The following PSG4 variants were observed in gnomAD, a reference collection of about 807,000 sequenced individuals.
PSG4 encodes the protein pregnancy-specific beta-1-glycoprotein 4.
A neutral mutation model predicts 44.3 loss-of-function variants in PSG4; 61 were observed. That is an observed-to-expected ratio of 1.38 (90% confidence interval 1.12 to 1.70). PSG4 has a LOEUF of 1.70. Among genes scored for constraint, PSG4 ranks in the 40% most tolerant of loss-of-function variants. PSG4 has a pLI of 0.00. For synonymous variants in PSG4, 248 were observed against 191.3 expected (o/e 1.30, Z -2.45); for missense variants, 677 against 511.7 (o/e 1.32, Z -3.12).
rs555990520 is a variant in PSG4 at position 43,201,270 on chromosome 19, C to G, written c.430+2616G>C. 8.7e-4 allele frequency among the ~76,000 whole-genome samples: 127 copies of G among 145,754 alleles called. 10 individuals carry two copies. The highest frequency in any genetic ancestry group is 1.5e-3 in the Non-Finnish European group (101 of 67,218). On this transcript the variant is annotated intron_variant, in intron 2 of 5. Coordinates refer to ENST00000405312, the MANE Select transcript of PSG4 (RefSeq NM_002780.5). ...GAATGATAATAGTTCCTCCATAAAA[C>G]TAACACCCTTACTTTGCCCAGGGAC...
At chr19:43,196,218 C>T (rs1967239605) in intron 3 of PSG4, among the ~76,000 whole-genome samples, 1 of 151,586 alleles carries the variant, frequency 6.6e-6, no homozygotes, top group Non-Finnish European at 1.5e-5. Context: ...TTTCATTGGA[C>T]ATTCTACTCT....
Position 43,193,344 on chromosome 19 carries a change from A to C in PSG4, c.*28T>G, listed in dbSNP as rs769444492. ...CTTGCTCTTCGTGATTCCATGGGAG[A>C]AAATGGAATTGGAGGAACTAGTAGA... On this transcript the variant is annotated 3_prime_UTR_variant, in exon 6 of 6. Transcript: ENST00000405312. 4 of 775,222 alleles carry C rather than the reference A, an allele frequency of 5.2e-6. No homozygotes were observed. In the South Asian group the frequency reaches 5.4e-5, roughly 10 times the overall value. The allele number at this position is 775,222 out of a possible 1,614,324, so 48.0% of individuals were successfully genotyped here.
intron 3 of PSG4, chr19:43,196,400 G>C (rs1967247619): frequency 6.6e-6 from 1 of 151,560 alleles, no homozygotes; most frequent in African/African-American, 2.4e-5. Context: ...CTGCTGTAGA[G>C]CTTGATGCCT....
At chr19:43,200,934 T>C (rs1439605755) in intron 2 of PSG4, among the ~76,000 whole-genome samples, 3 of 146,038 alleles carry the variant, frequency 2.1e-5, no homozygotes, top group Admixed American at 2.0e-4. Context: ...TCACAAATTT[T>C]AAGCTTGTTA....
In PSG4 at chr19:43,202,233, G is replaced by C. The variant is rs562583713; in HGVS notation, c.430+1653C>G. Among the ~76,000 whole-genome samples, 76 of 145,368 alleles carry C rather than the reference G, an allele frequency of 5.2e-4. 3 individuals are homozygous for C. Among genetic ancestry groups the C allele is most frequent in the Admixed American group, 1.4e-3 (21 of 14,650 alleles). On this transcript the variant is annotated intron_variant, in intron 2 of 5. Transcript: ENST00000405312. ...GGACACAGAGAAGAAGAGAGAGGCA[G>C]AGACACCATGGCAGTGAGCAGTGAG...
rs1483936481 is a variant in PSG4 at position 43,202,856 on chromosome 19, G to C, written c.430+1030C>G. ...TTGAGCCAATAAATGACTATGGGGT[G>C]CTTGGAACCCAGTAAGCCCTCACTT... On this transcript the variant is annotated intron_variant, in intron 2 of 5. Transcript: ENST00000405312. Among the ~76,000 whole-genome samples the C allele has an allele frequency of 3.5e-4, 50 of 144,540 alleles. 11 individuals are homozygous for C. The highest frequency in any genetic ancestry group is 1.7e-3 in the East Asian group (7 of 4,168). 94.8% of individuals were successfully genotyped at this position (144,540 alleles called of 152,430 possible). A position where few individuals can be genotyped will look rare whatever the true frequency, so the allele number is the denominator to read the frequency against.
In PSG4 at chr19:43,193,250, G is replaced by C; in HGVS notation, c.*122C>G. ...TGAGTGGCTCACATGTCAGGTACAA[G>C]GGTTTTCCCATGAAATTTACATCGA... On this transcript the variant is annotated 3_prime_UTR_variant, in exon 6 of 6. Transcript: ENST00000405312. 1.3e-6 allele frequency: 1 copy of C among 766,366 alleles called. No homozygotes were observed. Among genetic ancestry groups the C allele is most frequent in the Non-Finnish European group, 2.4e-6 (1 of 417,444 alleles). 47.5% of individuals were successfully genotyped at this position (766,366 alleles called of 1,614,324 possible).
chr19:43,201,716 A>G (rs1277383226), intron 2 of PSG4, among the ~76,000 whole-genome samples: 2 of 145,478 alleles, frequency 1.4e-5, no homozygotes, highest in East Asian at 4.7e-4. Flanking sequence ...CCCCTGCTCC[A>G]CTGGGGAGGC....
Position 43,193,219 on chromosome 19 carries a change from G to A in PSG4, c.*153C>T. The A allele has an allele frequency of 1.3e-6, 1 of 763,124 alleles. No homozygotes were observed. Among genetic ancestry groups the A allele is most frequent in the Non-Finnish European group, 2.4e-6 (1 of 416,764 alleles). The allele number at this position is 763,124 out of a possible 1,614,324, so 47.3% of individuals were successfully genotyped here. Reference sequence around the variant, plus strand: ...TTGTTATGGTGTCGAACATTTTGGTGAGTTCTGAGTGGCTCACATGTCAGG... The same window carrying A: ...TTGTTATGGTGTCGAACATTTTGGTAAGTTCTGAGTGGCTCACATGTCAGG... On this transcript the variant is annotated 3_prime_UTR_variant, in exon 6 of 6. Coordinates refer to ENST00000405312, the MANE Select transcript of PSG4 (RefSeq NM_002780.5).
chr19:43,202,538 T>C (rs1213839304), intron 2 of PSG4, among the ~76,000 whole-genome samples: 1 of 144,450 alleles, frequency 6.9e-6, no homozygotes, highest in Admixed American at 6.9e-5. Flanking sequence ...TCATTTGTTA[T>C]GTGAGAGCTC....
intron 3 of PSG4, among the ~76,000 whole-genome samples, chr19:43,196,098 A>G (rs1258957337): frequency 6.6e-6 from 1 of 151,734 alleles, no homozygotes; most frequent in Admixed American, 6.6e-5. Flanking sequence ...CAAAAGCAGA[A>G]CTGACTGGTG....
chr19:43,194,408 T>C lies in PSG4; in HGVS notation c.1175A>G (p.Tyr392Cys), dbSNP rs199876570. 81 of 1,612,448 alleles carry C rather than the reference T, an allele frequency of 5.0e-5. 2 individuals carry two copies. In the East Asian group the frequency reaches 1.5e-3, roughly 31 times the overall value. ...GGCTGAGTTACGAACAGAGCAAGCA[T>C]AGAGCCCACTATGCTTTGTAGTTAT... Reference protein sequence around the residue: ...PQITTKHSGLYACSVRNSATG... With the variant: ...PQITTKHSGLCACSVRNSATG... Residue 392 changes from tyrosine (Y) to cysteine (C), a missense_variant, in exon 5 of 6, where the codon TAT becomes TGT. Tyr to Cys is a radical substitution (Grantham distance 194). Coordinates refer to ENST00000405312, the MANE Select transcript of PSG4 (RefSeq NM_002780.5).
Position 43,202,676 on chromosome 19 carries a change from C to T in PSG4, c.430+1210G>A, listed in dbSNP as rs142300346. On this transcript the variant is annotated intron_variant, in intron 2 of 5. Transcript: ENST00000405312. ...TTTGGGAAACACAGGATTTCAAGTT[C>T]AGTGATGGGGGTTAAGATCTGAGGG... is the stretch of plus-strand genomic sequence containing the variant. Among the ~76,000 whole-genome samples, 566 of 144,108 alleles carry T rather than the reference C, an allele frequency of 3.9e-3. 90 individuals carry two copies. Among genetic ancestry groups the T allele is most frequent in the African/African-American group, 0.014 (540 of 37,288 alleles). 94.5% of individuals were successfully genotyped at this position (144,108 alleles called of 152,430 possible).
intron 2 of PSG4, chr19:43,198,855 G>A (rs1157465051): frequency 6.7e-6 from 1 of 149,484 alleles, no homozygotes; most frequent in Admixed American, 6.4e-5. Flanking sequence ...GGAGCCACAA[G>A]GTGGCGCAGT....
rs537234921 is a variant in PSG4 at position 43,194,712 on chromosome 19, A to G, written c.989-118T>C. 3.0e-5 allele frequency: 44 copies of G among 1,480,294 alleles called. 1 individual carries two copies. In the South Asian group the frequency reaches 6.0e-4, roughly 20 times the overall value. The allele number at this position is 1,480,294 out of a possible 1,614,324, so 91.7% of individuals were successfully genotyped here. A position where few individuals can be genotyped will look rare whatever the true frequency, so the allele number is the denominator to read the frequency against. ...AGACACACCTTCAAGTCCCAGCCAA[A>G]CTCCCTCTATGTTCACTGAGCCGAA... On this transcript the variant is annotated intron_variant, in intron 4 of 5. Coordinates refer to ENST00000405312, the MANE Select transcript of PSG4 (RefSeq NM_002780.5).
At chr19:43,196,605 A>G (rs1241927635) in intron 3 of PSG4, 7 of 151,462 alleles carry the variant, frequency 4.6e-5, no homozygotes, top group Admixed American at 2.0e-4. Context: ...GTGGGAGGTG[A>G]TAAGCCAAAG....
At chr19:43,201,109 T>A (rs756195360) in intron 2 of PSG4, among the ~76,000 whole-genome samples, 1 of 145,416 alleles carries the variant, frequency 6.9e-6, no homozygotes, top group Non-Finnish European at 1.5e-5. Flanking sequence ...AGTGCAAAGA[T>A]TACAGCAGTG....
At position 43,204,147 on chromosome 19, in the gene PSG4, T is replaced by G. The variant is rs1301810311; in HGVS notation, c.169A>C (p.Asn57His). 1.3e-6 allele frequency: 2 copies of G among 1,587,060 alleles called. 1 individual carries two copies. The highest frequency in any genetic ancestry group is 2.9e-5 in the African/African-American group (2 of 69,402). The change falls in exon 2 of 6, where the codon AAT becomes CAT. Residue 57 changes from asparagine (N) to histidine (H), a missense_variant. Transcript: ENST00000405312. ...TAGCCAGCAAGATTCTGGGGCAAAT[T>G]GTGGACAAGTAGAAGAACATCCTTC... ...EGKDVLLLVH[N>H]LPQNLAGYIW...
chr19:43,197,286 T>G (rs184737400), intron 3 of PSG4, among the ~76,000 whole-genome samples: 2 of 145,544 alleles, frequency 1.4e-5, no homozygotes, highest in Non-Finnish European at 3.0e-5. Context: ...TTTTCCCTGA[T>G]AGCTAGATAG....
Sources: allele counts gnomAD v4.1 joint callset (sites outside exome capture counted in the v4.1 genomes callset), GRCh38; gene constraint gnomAD v4.1.1; transcripts MANE v1.5; gene names NCBI Gene and HGNC (gene_info 2026-07-23, HGNC 2026-07-21).